MTCL1: variants seen among roughly 807,000 people sequenced by gnomAD.
The protein encoded by MTCL1 is microtubule crosslinking factor 1.
A neutral mutation model predicts 141.4 loss-of-function variants in MTCL1; 79 were observed. The ratio of observed to expected loss-of-function variants is 0.56; its 90% CI spans 0.47 to 0.67. MTCL1 has a LOEUF of 0.67. Ranked by LOEUF, MTCL1 falls within the 30% of genes least tolerant of loss-of-function variation. MTCL1 has a pLI of 0.00. For missense variants in MTCL1, 2,177 were observed against 2,113.9 expected, an observed-to-expected ratio of 1.03 and a Z score of -0.59; for synonymous variants, 914 against 875.8, an observed-to-expected ratio of 1.04 and a Z score of -0.77.
intron 8 of MTCL1, among the ~76,000 whole-genome samples, chr18:8,795,246 C>T (rs1439190124): frequency 2.0e-5 from 3 of 152,162 alleles, no homozygotes; most frequent in Admixed American, 2.0e-4. Context: ...CCCATGGCCT[C>T]TGAGAATTAA....
upstream of MTCL1, among the ~76,000 whole-genome samples, chr18:8,714,573 G>C (rs2096114917): frequency 6.6e-6 from 1 of 152,124 alleles, no homozygotes; most frequent in African/African-American, 2.4e-5. Context: ...TTACATGGAG[G>C]CACGTAAGAA....
At chr18:8,786,116 C>CCT (rs1555655979) in intron 7 of MTCL1, 25 bp downstream of exon 6, 1 of 1,393,690 alleles carries the variant, frequency 7.2e-7, no homozygotes, top group South Asian at 1.3e-5. Context: ...GCAATCCCCC[C>CCT]CCCCCGCCCT....
At position 8,814,125 on chromosome 18, in the gene MTCL1, G is replaced by T. The variant is rs558679902; in HGVS notation, c.2859+892G>T. On this transcript the variant is annotated intron_variant, in intron 12 of 16. Transcript: ENST00000359865. ...ACCCATAGAGCCTTTTGACAAATGT[G>T]CTCTATTATCCATAGACATGGTGCC... Among the ~76,000 whole-genome samples the T allele has an allele frequency of 4.6e-5, 7 of 152,208 alleles. No homozygotes were observed. In the South Asian group the frequency reaches 1.5e-3, roughly 32 times the overall value.
At chr18:8,806,127 G>A (rs1598746393) in intron 10 of MTCL1, among the ~76,000 whole-genome samples, 1 of 152,192 alleles carries the variant, frequency 6.6e-6, no homozygotes, top group Non-Finnish European at 1.5e-5. Context: ...GGTCTGGCTT[G>A]TCCTTTCCAA....
chr18:8,786,062 C>T, exon 7 of MTCL1: 2 of 1,590,060 alleles, frequency 1.3e-6, no homozygotes, highest in Non-Finnish European at 1.7e-6. Context: ...GAGCCACGGG[C>T]TGGGAGGCCA....
Position 8,705,963 on chromosome 18 carries a change from T to G in MTCL1, c.303T>G (p.Ser101Arg). The change falls in exon 1 of 14, where the codon AGT (serine) becomes AGG (arginine). Residue 101 changes from serine (S) to arginine (R), a missense_variant. Coordinates refer to the MTCL1 transcript ENST00000306329. The surrounding 1 kb of genome is among the most constrained non-coding windows in gnomAD (Gnocchi z 5.2). Reference sequence around the variant, plus strand: ...CGCCCGGCCGCCTCTCTCGGCGCAGTGGCGGCGTCCCGGGCGCGAAGGACA... The same window carrying G: ...CGCCCGGCCGCCTCTCTCGGCGCAGGGGCGGCGTCCCGGGCGCGAAGGACA... The G allele has an allele frequency of 8.9e-7, 1 of 1,117,942 alleles. No homozygotes were observed. Among genetic ancestry groups the G allele is most frequent in the East Asian group, 5.1e-5 (1 of 19,510 alleles). The allele number at this position is 1,117,942 out of a possible 1,614,324, so 69.3% of individuals were successfully genotyped here. A position where few individuals can be genotyped will look rare whatever the true frequency, so the allele number is the denominator to read the frequency against.
chr18:8,781,504 C>T (rs950670191), intron 5 of MTCL1, among the ~76,000 whole-genome samples: 15 of 152,118 alleles, frequency 9.9e-5, no homozygotes, highest in Admixed American at 5.2e-4. Context: ...ATTCTCCTAA[C>T]GTGCAAAGAA....
intron 11 of MTCL1, among the ~76,000 whole-genome samples, chr18:8,811,798 T>C (rs1039210808): frequency 6.6e-6 from 1 of 152,252 alleles, no homozygotes; most frequent in African/African-American, 2.4e-5. Flanking sequence ...GCAATCTATG[T>C]GAAAGGCCTT....
chr18:8,772,931 A>G (rs1246593630), intron 4 of MTCL1, among the ~76,000 whole-genome samples: 2 of 152,150 alleles, frequency 1.3e-5, no homozygotes, highest in Non-Finnish European at 2.9e-5. Flanking sequence ...TAATAAAAAT[A>G]ATAAGAAAGA....
At chr18:8,811,688 A>G (rs2076492388) in intron 11 of MTCL1, among the ~76,000 whole-genome samples, 1 of 152,198 alleles carries the variant, frequency 6.6e-6, no homozygotes, top group South Asian at 2.1e-4. Context: ...CATGTCCCTT[A>G]GGCAAGTCCC....
At chr18:8,757,450 G>T (rs188766248) in intron 4 of MTCL1, among the ~76,000 whole-genome samples, 1 of 152,052 alleles carries the variant, frequency 6.6e-6, no homozygotes, top group South Asian at 2.1e-4. Flanking sequence ...CTCCAAAAAG[G>T]TTCTTCCTTT....
Position 8,720,566 on chromosome 18 carries a change from C to T in MTCL1, c.357+70C>T, listed in dbSNP as rs1055291730. On this transcript the variant is annotated intron_variant, in intron 4 of 16. Coordinates refer to ENST00000359865, the Ensembl canonical transcript of MTCL1. ...GAGGAGCTTGGAACTCCAAGTGCCC[C>T]CTTCTCATTGTGGTCGAAAGCTGGG... The T allele has an allele frequency of 8.8e-6, 13 of 1,480,322 alleles. No individual in the cohort carries two copies. In the African/African-American group the frequency reaches 1.7e-4, roughly 19 times the overall value. The allele number at this position is 1,480,322 out of a possible 1,614,324, so 91.7% of individuals were successfully genotyped here. A position where few individuals can be genotyped will look rare whatever the true frequency, so the allele number is the denominator to read the frequency against.
At chr18:8,711,416 G>T (rs1344409082) in intron 1 of MTCL1, among the ~76,000 whole-genome samples, 2 of 146,874 alleles carry the variant, frequency 1.4e-5, no homozygotes, top group African/African-American at 2.5e-5. Flanking sequence ...GTAATGGGAT[G>T]GCTGGGTCAA....
chr18:8,819,220 C>T (rs372696641), exon 13 of MTCL1: 1 of 1,614,202 alleles, frequency 6.2e-7, no homozygotes, highest in Non-Finnish European at 8.5e-7. Flanking sequence ...AGCCACCAGC[C>T]CACAGGCCCG....
chr18:8,806,923 T>G, exon 11 of MTCL1: 1 of 1,613,654 alleles, frequency 6.2e-7, no homozygotes. Context: ...GTTCAGCGCC[T>G]TCAAGGCCTT....
At chr18:8,782,927 G>A (rs576074425) in intron 5 of MTCL1, among the ~76,000 whole-genome samples, 55 of 152,344 alleles carry the variant, frequency 3.6e-4, no homozygotes, top group African/African-American at 1.0e-3. Flanking sequence ...GGGGAGAAGC[G>A]AATTGCCCTG....
chr18:8,812,214 A>G (rs2076510775), intron 11 of MTCL1, among the ~76,000 whole-genome samples: 1 of 152,196 alleles, frequency 6.6e-6, no homozygotes, highest in African/African-American at 2.4e-5. Flanking sequence ...GCCTGTTGGT[A>G]TATTCCTTCT....
intron 12 of MTCL1, among the ~76,000 whole-genome samples, chr18:8,817,992 G>GC (rs1379150435): frequency 6.6e-6 from 1 of 152,236 alleles, no homozygotes; most frequent in Non-Finnish European, 1.5e-5. Context: ...CAAGCCATTT[G>GC]CCTGCCTGCC....
upstream of MTCL1, among the ~76,000 whole-genome samples, chr18:8,714,013 C>T (rs531012310): frequency 1.3e-5 from 2 of 152,336 alleles, no homozygotes; most frequent in East Asian, 3.9e-4. Context: ...GAACCAGTTG[C>T]CCTAATGGAT....
Sources: allele counts gnomAD v4.1 joint callset (sites outside exome capture counted in the v4.1 genomes callset), GRCh38; gene constraint gnomAD v4.1.1; non-coding constraint Gnocchi (gnomAD v3.1); transcripts MANE v1.5; gene names NCBI Gene and HGNC (gene_info 2026-07-23, HGNC 2026-07-21).